ENPP6: variants seen among roughly 807,000 people sequenced by gnomAD.
ENPP6 encodes ectonucleotide pyrophosphatase/phosphodiesterase 6, also known as glycerophosphocholine cholinephosphodiesterase ENPP6.
ENPP6 carries 32 observed loss-of-function variants against 42.0 expected under a neutral mutation model. The observed-to-expected ratio is 0.76, with a 90% CI of 0.58 to 1.02. The LOEUF (loss-of-function observed/expected upper bound fraction) is 1.02. ENPP6 is among the 50% of genes least tolerant of loss of function. The pLI is 0.00. For synonymous variants in ENPP6, 213 were observed against 216.0 expected, an observed-to-expected ratio of 0.99 and a Z score of 0.12; for missense variants, 552 against 566.8, an observed-to-expected ratio of 0.97 and a Z score of 0.27.
At chr4:184,209,830 C>G (rs1335772269) in intron 1 of ENPP6, among the ~76,000 whole-genome samples, 7 of 143,874 alleles carry the variant, frequency 4.9e-5, no homozygotes, top group African/African-American at 1.9e-4. Context: ...TAAGGGCAGC[C>G]AGAGAGAAAG....
At chr4:184,202,844 G>A (rs576594361) in intron 1 of ENPP6, among the ~76,000 whole-genome samples, 1 of 152,296 alleles carries the variant, frequency 6.6e-6, no homozygotes, top group East Asian at 1.9e-4. Flanking sequence ...GATAAAGGGG[G>A]TAATATGTAC....
intron 1 of ENPP6, among the ~76,000 whole-genome samples, chr4:184,196,444 G>A (rs1044572704): frequency 2.0e-5 from 3 of 152,222 alleles, no homozygotes; most frequent in African/African-American, 4.8e-5. Context: ...ATGTATGAAT[G>A]CAATGTATGA....
rs1047314320 is a variant in ENPP6 at position 184,200,628 on chromosome 4, C to T, written c.241+16951G>A. 2.0e-5 allele frequency among the ~76,000 whole-genome samples: 3 copies of T among 152,354 alleles called. No homozygotes were observed. The East Asian group carries it at 5.8e-4, about 29-fold the overall frequency. ...GGAAGATGATGTAATGTATCCAAGT[C>T]CCTGCGGACTGTGGCAGTCAGGAGA... On this transcript the variant is annotated intron_variant, in intron 1 of 7. Coordinates refer to ENST00000296741, the MANE Select transcript of ENPP6 (RefSeq NM_153343.4).
At chr4:184,147,592 C>A (rs1234818151) in intron 2 of ENPP6, among the ~76,000 whole-genome samples, 1 of 152,048 alleles carries the variant, frequency 6.6e-6, no homozygotes, top group African/African-American at 2.4e-5. Context: ...CCAGACTGGG[C>A]AACATAGTAA....
chr4:184,105,149 T>C (rs1579610169), intron 6 of ENPP6, among the ~76,000 whole-genome samples: 1 of 152,254 alleles, frequency 6.6e-6, no homozygotes, highest in East Asian at 1.9e-4. Context: ...GGAAGAATTG[T>C]TTTCACAACC....
Position 184,155,010 on chromosome 4 carries a change from G to T in ENPP6, c.242-1277C>A, listed in dbSNP as rs150528958. Among the ~76,000 whole-genome samples the T allele has an allele frequency of 5.8e-3, 883 of 152,226 alleles. 15 individuals are homozygous for T. The highest frequency in any genetic ancestry group is 0.018 in the African/African-American group (747 of 41,532). ...GAATAAATGTCATGCCCATCCTCAA[G>T]AGACTTGTAATTTAATACTCAACAG... On this transcript the variant is annotated intron_variant, in intron 1 of 7. Coordinates refer to ENST00000296741, the MANE Select transcript of ENPP6 (RefSeq NM_153343.4).
intron 1 of ENPP6, among the ~76,000 whole-genome samples, chr4:184,207,925 C>G (rs1187784052): frequency 2.0e-5 from 3 of 152,208 alleles, no homozygotes; most frequent in Non-Finnish European, 4.4e-5. Flanking sequence ...CCTCAGATGG[C>G]CTTTTCTCTG....
chr4:184,178,608 G>T (rs1732490619), intron 1 of ENPP6, among the ~76,000 whole-genome samples: 1 of 152,306 alleles, frequency 6.6e-6, no homozygotes, highest in Middle Eastern at 3.4e-3. Context: ...AGGAAAAAGT[G>T]TTAAGGGCAG....
At chr4:184,133,401 G>A (rs958084920) in intron 2 of ENPP6, among the ~76,000 whole-genome samples, 1 of 151,810 alleles carries the variant, frequency 6.6e-6, no homozygotes, top group African/African-American at 2.4e-5. Context: ...ACTATAAATG[G>A]TATTGACCTT....
chr4:184,101,222 CAT>C lies in ENPP6; in HGVS notation c.994-3856_994-3855del, dbSNP rs77452495. Among the ~76,000 whole-genome samples the C allele has an allele frequency of 9.7e-3, 1,467 of 151,366 alleles. 12 individuals carry two copies. Among genetic ancestry groups the C allele is most frequent in the Middle Eastern group, 0.021 (6 of 292 alleles). On this transcript the variant is annotated intron_variant, in intron 6 of 7. Coordinates refer to ENST00000296741, the MANE Select transcript of ENPP6 (RefSeq NM_153343.4). ...GAGTGTGTGAGTGCATGAGTGTAAG[CAT>C]GTGTGTGCGTGTGTATATGTGAGTG...
At chr4:184,178,998 A>C (rs1337094415) in intron 1 of ENPP6, among the ~76,000 whole-genome samples, 1 of 152,240 alleles carries the variant, frequency 6.6e-6, no homozygotes, top group Non-Finnish European at 1.5e-5. Flanking sequence ...TAGCATCATG[A>C]TAACAGGATC....
chr4:184,187,243 GC>G (rs1732647279), intron 1 of ENPP6, among the ~76,000 whole-genome samples: 1 of 152,228 alleles, frequency 6.6e-6, no homozygotes. Context: ...AGAGGAAAAG[GC>G]CTGCACCAGG....
At position 184,197,789 on chromosome 4, in the gene ENPP6, G is replaced by T. The variant is rs138769869; in HGVS notation, c.241+19790C>A. Among the ~76,000 whole-genome samples the T allele has an allele frequency of 1.5e-4, 23 of 152,326 alleles. No individual in the cohort carries two copies. In the East Asian group the frequency reaches 4.4e-3, roughly 29 times the overall value. On this transcript the variant is annotated intron_variant, in intron 1 of 7. Transcript: ENST00000296741. ...ATGCATGCTAAAATAGACTATGAAA[G>T]TCACTCATAGAAATGTGCAAGGAGG... is the stretch of plus-strand genomic sequence containing the variant.
chr4:184,165,405 TC>T (rs1459301439), intron 1 of ENPP6, among the ~76,000 whole-genome samples: 1 of 152,214 alleles, frequency 6.6e-6, no homozygotes, highest in Admixed American at 6.5e-5. Context: ...CAACCAGGTC[TC>T]TGACTCAGCG....
Position 184,120,852 on chromosome 4 carries a change from G to T in ENPP6, c.534-2952C>A, listed in dbSNP as rs78597095. Among the ~76,000 whole-genome samples the T allele has an allele frequency of 5.5e-3, 841 of 152,256 alleles. 10 individuals are homozygous for T. Among genetic ancestry groups the T allele is most frequent in the South Asian group, 0.038 (182 of 4,826 alleles). ...CTCCCTGTCGCTGTCTCAATTTCAG[G>T]GTGTCTTAGAGGTGTGAGCTGGCAG... On this transcript the variant is annotated intron_variant, in intron 3 of 7. Transcript: ENST00000296741.
At chr4:184,142,491 C>A (rs150412736) in intron 2 of ENPP6, among the ~76,000 whole-genome samples, 1 of 136,766 alleles carries the variant, frequency 7.3e-6, no homozygotes, top group Non-Finnish European at 1.7e-5. Context: ...CTGGGGTTGG[C>A]CTTGCCCACG....
At chr4:184,185,480 T>C (rs1487357674) in intron 1 of ENPP6, among the ~76,000 whole-genome samples, 2 of 152,088 alleles carry the variant, frequency 1.3e-5, no homozygotes, top group Non-Finnish European at 1.5e-5. Flanking sequence ...CTGTGTGGGG[T>C]AGCAGGGAGG....
Position 184,172,863 on chromosome 4 carries a change from G to A in ENPP6, c.242-19130C>T, listed in dbSNP as rs150254409. On this transcript the variant is annotated intron_variant, in intron 1 of 7. Coordinates refer to ENST00000296741, the MANE Select transcript of ENPP6 (RefSeq NM_153343.4). ...GAGAGGAAATGTACATTCGTTCACCGTCTGTGGGAGGAGCAACAGAACGAT... is the reference window on the plus strand; with the variant it reads ...GAGAGGAAATGTACATTCGTTCACCATCTGTGGGAGGAGCAACAGAACGAT... 3.5e-3 allele frequency among the ~76,000 whole-genome samples: 526 copies of A among 152,204 alleles called. 2 individuals carry two copies. The highest frequency in any genetic ancestry group is 0.012 in the African/African-American group (482 of 41,520).
chr4:184,186,414 G>A (rs1732635754), intron 1 of ENPP6, among the ~76,000 whole-genome samples: 1 of 152,140 alleles, frequency 6.6e-6, no homozygotes, highest in Non-Finnish European at 1.5e-5. Flanking sequence ...GGGGCGGGGT[G>A]GTGGCAAATG....
Sources: gnomAD v4.1 joint callset for allele counts (sites outside exome capture counted in the v4.1 genomes callset) on GRCh38, gnomAD v4.1.1 for gene constraint, MANE v1.5 for transcripts, NCBI Gene and HGNC (gene_info 2026-07-23, HGNC 2026-07-21) for gene names.